The following PCDHGB7 variants were observed in gnomAD, a reference collection of about 807,000 sequenced individuals.
The protein encoded by PCDHGB7 is protocadherin gamma-B7.
PCDHGB7 carries 37 observed loss-of-function variants against 61.4 expected under a neutral mutation model. The observed-to-expected ratio is 0.60, with a 90% confidence interval of 0.46 to 0.79. The LOEUF (loss-of-function observed/expected upper bound fraction) is 0.79, where lower values mean the gene tolerates loss of function less well. Ranked by LOEUF, PCDHGB7 falls within the 30% of genes least tolerant of loss-of-function variation. The pLI is 0.00. For missense variants in PCDHGB7, 1,166 were observed against 1,202.5 expected (o/e 0.97, Z 0.45); for synonymous variants, 464 against 503.5 (o/e 0.92, Z 1.05).
In PCDHGB7 at chr5:141,477,070, T is replaced by A; in HGVS notation, c.2416-17737T>A. 6.2e-7 allele frequency: 1 copy of A among 1,613,342 alleles called. No individual in the cohort carries two copies. The highest frequency in any genetic ancestry group is 8.5e-7 in the Non-Finnish European group (1 of 1,179,244). ...TGGACTTCGAGGACACCAAACTCCATGAGATTTACATCCAGGCCAAAGACA... is the reference window on the plus strand; with the variant it reads ...TGGACTTCGAGGACACCAAACTCCAAGAGATTTACATCCAGGCCAAAGACA... On this transcript the variant is annotated intron_variant, in intron 1 of 3. Coordinates refer to ENST00000398594, the MANE Select transcript of PCDHGB7 (RefSeq NM_018927.4). The surrounding 1 kb of genome is among the most constrained non-coding windows in gnomAD (Gnocchi z 4.9).
intron 1 of PCDHGB7, chr5:141,478,592 TC>T: frequency 6.4e-7 from 1 of 1,570,334 alleles, no homozygotes; most frequent in Non-Finnish European, 8.6e-7. Flanking sequence ...GCTTTTTTAT[TC>T]CTACATCATA....
intron 1 of PCDHGB7, among the ~76,000 whole-genome samples, chr5:141,425,045 C>T (rs1374682125): frequency 6.6e-6 from 1 of 152,136 alleles, no homozygotes; most frequent in East Asian, 1.9e-4. Context: ...TGTAAACTGA[C>T]TATCTAGGGC....
chr5:141,468,599 G>C (rs1055715232), intron 1 of PCDHGB7: 7 of 152,236 alleles, frequency 4.6e-5, no homozygotes, highest in African/African-American at 1.4e-4. Flanking sequence ...GGGCGCGGTG[G>C]CTCACGCCTG....
At chr5:141,425,860 A>G (rs1445251215) in intron 1 of PCDHGB7, among the ~76,000 whole-genome samples, 1 of 152,248 alleles carries the variant, frequency 6.6e-6, no homozygotes, top group Non-Finnish European at 1.5e-5. Context: ...TGACTGTTCT[A>G]TAGATTCCCA....
In PCDHGB7 at chr5:141,472,816, G is replaced by A. The variant is rs1186234004; in HGVS notation, c.2416-21991G>A. On this transcript the variant is annotated intron_variant, in intron 1 of 3. Transcript: ENST00000398594. ...GCCTGACCAACATGGAGAAACCCCC[G>A]TCTCTACTAAAAATAGAAAATTAGC... 4.6e-5 allele frequency among the ~76,000 whole-genome samples: 7 copies of A among 151,374 alleles called. No individual in the cohort carries two copies. In the South Asian group the frequency reaches 6.2e-4, roughly 14 times the overall value.
At chr5:141,475,600 T>A (rs1023916159) in intron 1 of PCDHGB7, among the ~76,000 whole-genome samples, 2 of 152,192 alleles carry the variant, frequency 1.3e-5, no homozygotes, top group Admixed American at 1.3e-4. Context: ...TTCCAGACAA[T>A]GTTGTGTAGT....
In PCDHGB7 at chr5:141,489,576, C is replaced by T; in HGVS notation, c.2416-5231C>T. 1.9e-6 allele frequency: 3 copies of T among 1,614,054 alleles called. No individual in the cohort carries two copies. Among genetic ancestry groups the T allele is most frequent in the Non-Finnish European group, 2.5e-6 (3 of 1,179,976 alleles). Reference sequence around the variant, plus strand: ...TGCCAGTGCAGGTGGTGACTGAACACCCCCTGGAGCTAATCCGTGTAGAGG... The same window carrying T: ...TGCCAGTGCAGGTGGTGACTGAACATCCCCTGGAGCTAATCCGTGTAGAGG... On this transcript the variant is annotated intron_variant, in intron 1 of 3. Coordinates refer to ENST00000398594, the MANE Select transcript of PCDHGB7 (RefSeq NM_018927.4). This position sits in a 1 kb window ranked among gnomAD's most constrained non-coding sequence, Gnocchi z 4.5.
chr5:141,453,559 C>T (rs2098769120), intron 1 of PCDHGB7, among the ~76,000 whole-genome samples: 1 of 152,126 alleles, frequency 6.6e-6, no homozygotes, highest in Non-Finnish European at 1.5e-5. Context: ...TGTAGATAAT[C>T]GATTTCATTA....
intron 1 of PCDHGB7, among the ~76,000 whole-genome samples, chr5:141,464,261 T>TC (rs2099079163): frequency 1.5e-5 from 2 of 137,096 alleles, no homozygotes; most frequent in African/African-American, 2.9e-5. Flanking sequence ...CGAGACTCCG[T>TC]CTAAAAAAAA....
intron 1 of PCDHGB7, among the ~76,000 whole-genome samples, chr5:141,468,791 G>A (rs941787269): frequency 2.6e-5 from 4 of 151,954 alleles, no homozygotes; most frequent in East Asian, 3.9e-4. Context: ...GCGTGAACCC[G>A]GGAGGCGGAA....
Position 141,477,029 on chromosome 5 carries a change from A to G in PCDHGB7, c.2416-17778A>G. 6.2e-7 allele frequency: 1 copy of G among 1,614,238 alleles called. No homozygotes were observed. The highest frequency in any genetic ancestry group is 8.5e-7 in the Non-Finnish European group (1 of 1,180,040). ...CTTAGACCTTGTAACCGGGATGCTG[A>G]CAATCAAGGGTCGGCTGGACTTCGA... On this transcript the variant is annotated intron_variant, in intron 1 of 3. Coordinates refer to ENST00000398594, the MANE Select transcript of PCDHGB7 (RefSeq NM_018927.4). The surrounding 1 kb of genome is among the most constrained non-coding windows in gnomAD (Gnocchi z 4.9).
intron 3 of PCDHGB7, among the ~76,000 whole-genome samples, chr5:141,509,164 C>A (rs1454864362): frequency 6.6e-6 from 1 of 152,188 alleles, no homozygotes; most frequent in Non-Finnish European, 1.5e-5. Context: ...TCCCGTGTGC[C>A]CTCCTCCTCT....
intron 1 of PCDHGB7, chr5:141,421,364 T>C (rs975166167): frequency 3.7e-6 from 6 of 1,613,994 alleles, no homozygotes; most frequent in African/African-American, 1.3e-5. Context: ...GGCTCCTTCG[T>C]GGGCAATATC....
At position 141,431,052 on chromosome 5, in the gene PCDHGB7, G is replaced by T. The variant is rs148326556; in HGVS notation, c.2415+10778G>T. 7.4e-6 allele frequency: 12 copies of T among 1,614,110 alleles called. No homozygotes were observed. The African/African-American group carries it at 1.6e-4, about 22-fold the overall frequency. On this transcript the variant is annotated intron_variant, in intron 1 of 3. Coordinates refer to ENST00000398594, the MANE Select transcript of PCDHGB7 (RefSeq NM_018927.4). The surrounding 1 kb of genome is among the most constrained non-coding windows in gnomAD (Gnocchi z 4.8). ...ATAGACCGGGAGGAGCTCTGTATGG[G>T]GGCCATCAAGTGTCAATTAAATCTA...
Position 141,489,652 on chromosome 5 carries a change from C to T in PCDHGB7, c.2416-5155C>T, listed in dbSNP as rs767143028. The T allele has an allele frequency of 3.1e-6, 5 of 1,614,024 alleles. No individual in the cohort carries two copies. Among genetic ancestry groups the T allele is most frequent in the Non-Finnish European group, 4.2e-6 (5 of 1,180,026 alleles). ...CTCTCCTAGCTTTGCCACCCCTGAG[C>T]GAGAGATGCGCATCTCAGAATCAGC... On this transcript the variant is annotated intron_variant, in intron 1 of 3. Coordinates refer to ENST00000398594, the MANE Select transcript of PCDHGB7 (RefSeq NM_018927.4). The surrounding 1 kb of genome is among the most constrained non-coding windows in gnomAD (Gnocchi z 4.5).
chr5:141,466,090 C>A (rs983505253), intron 1 of PCDHGB7, among the ~76,000 whole-genome samples: 2 of 152,068 alleles, frequency 1.3e-5, no homozygotes, highest in African/African-American at 4.8e-5. Context: ...CCACTGCACT[C>A]CAGCCTGGGC....
intron 1 of PCDHGB7, among the ~76,000 whole-genome samples, chr5:141,433,853 A>C (rs934981508): frequency 1.3e-5 from 2 of 151,912 alleles, no homozygotes; most frequent in African/African-American, 2.4e-5. Context: ...AAAAAAAAAA[A>C]AACTTTATCC....
chr5:141,474,371 G>A (rs909237592), intron 1 of PCDHGB7, among the ~76,000 whole-genome samples: 1 of 152,180 alleles, frequency 6.6e-6, no homozygotes, highest in African/African-American at 2.4e-5. Flanking sequence ...TAGGTCTAGA[G>A]GAGGGCATTT....
rs762770481 is a variant in PCDHGB7, at chr5:141,432,320, G to GACT, written c.2415+12049_2415+12051dup. On this transcript the variant is annotated intron_variant, in intron 1 of 3. Coordinates refer to ENST00000398594, the MANE Select transcript of PCDHGB7 (RefSeq NM_018927.4). This position sits in a 1 kb window ranked among gnomAD's most constrained non-coding sequence, Gnocchi z 6.0. ...GGTACTGTATGCGCTGAGCTCCTTC[G>GACT]ACTACGAGCAGTTCCGAGACTTGCA... is the stretch of plus-strand genomic sequence containing the variant. The GACT allele has an allele frequency of 2.6e-5, 42 of 1,614,238 alleles. No individual in the cohort carries two copies. The highest frequency in any genetic ancestry group is 3.6e-5 in the Non-Finnish European group (42 of 1,180,038).
Sources: gnomAD v4.1 joint callset for allele counts (sites outside exome capture counted in the v4.1 genomes callset) on GRCh38, gnomAD v4.1.1 for gene constraint, Gnocchi (gnomAD v3.1) non-coding constraint, MANE v1.5 for transcripts, NCBI Gene and HGNC (gene_info 2026-07-23, HGNC 2026-07-21) for gene names.